Variants in CTNND2 observed in about 807,000 individuals in gnomAD.
The protein encoded by CTNND2 is catenin delta 2, also known as catenin delta-2.
Under a neutral mutation model 144.4 loss-of-function variants are expected in CTNND2, and 22 were observed. The observed-to-expected ratio is 0.15, with a 90% CI of 0.11 to 0.22. The LOEUF is 0.22. Ranked by LOEUF, CTNND2 falls within the 10% of genes least tolerant of loss-of-function variation. The probability of loss-of-function intolerance (pLI) is 1.00; values close to 1 mark genes in which losing one functional copy is unlikely to be tolerated. For missense variants in CTNND2, 1,353 were observed against 1,618.8 expected (o/e 0.84, Z 2.82); for synonymous variants, 751 against 695.6 (o/e 1.08, Z -1.25).
At chr5:11,862,444 C>T (rs1020626938) in intron 1 of CTNND2, among the ~76,000 whole-genome samples, 4 of 152,108 alleles carry the variant, frequency 2.6e-5, no homozygotes, top group African/African-American at 9.7e-5. Context: ...TTTGAAGGCA[C>T]CATGGTTTTG....
chr5:11,484,560 A>G (rs1002197136), intron 3 of CTNND2, among the ~76,000 whole-genome samples: 7 of 152,198 alleles, frequency 4.6e-5, no homozygotes, highest in African/African-American at 1.7e-4. Context: ...CAGCATCTAT[A>G]TCCTGTGGGA....
Position 11,060,999 on chromosome 5 carries a change from A to G in CTNND2, c.2788+21697T>C, listed in dbSNP as rs544082977. 3.9e-5 allele frequency among the ~76,000 whole-genome samples: 6 copies of G among 152,270 alleles called. No homozygotes were observed. In the East Asian group the frequency reaches 9.6e-4, roughly 24 times the overall value. ...TTTCACACTGATGACACACAGATTA[A>G]TATCTCAGTCCTGAGCTCTAAATGA... On this transcript the variant is annotated intron_variant, in intron 16 of 21. Coordinates refer to ENST00000304623, the MANE Select transcript of CTNND2 (RefSeq NM_001332.4).
chr5:11,377,732 C>G (rs887394141), intron 7 of CTNND2, among the ~76,000 whole-genome samples: 8 of 152,164 alleles, frequency 5.3e-5, no homozygotes, highest in Admixed American at 3.9e-4. Context: ...TTTTGGGCCA[C>G]CTCGCAATCC....
chr5:11,031,499 C>G (rs1683675933), intron 16 of CTNND2, among the ~76,000 whole-genome samples: 1 of 152,064 alleles, frequency 6.6e-6, no homozygotes, highest in Non-Finnish European at 1.5e-5. Context: ...TCAATAGACT[C>G]CAGAGTTTCA....
intron 3 of CTNND2, among the ~76,000 whole-genome samples, chr5:11,498,798 AG>A (rs1204950964): frequency 6.6e-6 from 1 of 152,216 alleles, no homozygotes; most frequent in Non-Finnish European, 1.5e-5. Flanking sequence ...ATCTTTTAAC[AG>A]TGAGGTTTTC....
chr5:11,699,686 T>G (rs1785332387), intron 2 of CTNND2, among the ~76,000 whole-genome samples: 1 of 152,214 alleles, frequency 6.6e-6, no homozygotes, highest in African/African-American at 2.4e-5. Context: ...CTCTCCTTCC[T>G]TCTTCTTATT....
intron 10 of CTNND2, among the ~76,000 whole-genome samples, chr5:11,233,765 T>C (rs1741313671): frequency 1.3e-5 from 2 of 151,892 alleles, no homozygotes; most frequent in South Asian, 4.2e-4. Flanking sequence ...TATGCACATA[T>C]GCACGCCTCC....
intron 16 of CTNND2, among the ~76,000 whole-genome samples, chr5:11,024,016 T>C (rs1435301881): frequency 6.6e-6 from 1 of 152,220 alleles, no homozygotes; most frequent in African/African-American, 2.4e-5. Flanking sequence ...CATCCCCCAA[T>C]TAGGCACATT....
chr5:11,276,576 G>T (rs908116582), intron 9 of CTNND2, among the ~76,000 whole-genome samples: 1 of 152,150 alleles, frequency 6.6e-6, no homozygotes, highest in Non-Finnish European at 1.5e-5. Context: ...CTAGACTAGG[G>T]TATAGTGCAT....
intron 11 of CTNND2, among the ~76,000 whole-genome samples, chr5:11,165,284 T>C (rs909138232): frequency 6.6e-6 from 1 of 152,232 alleles, no homozygotes; most frequent in African/African-American, 2.4e-5. Context: ...AAGGCTTATC[T>C]CTGGTGCTTC....
At chr5:10,996,073 G>A (rs1178638428) in intron 18 of CTNND2, among the ~76,000 whole-genome samples, 1 of 152,076 alleles carries the variant, frequency 6.6e-6, no homozygotes, top group Non-Finnish European at 1.5e-5. Context: ...CCGGGGTGCC[G>A]GACAGGGCTG....
intron 6 of CTNND2, among the ~76,000 whole-genome samples, chr5:11,387,714 T>A (rs1759230744): frequency 6.6e-6 from 1 of 152,174 alleles, no homozygotes; most frequent in Non-Finnish European, 1.5e-5. Flanking sequence ...ACAAAAACTT[T>A]TTGTTATGTC....
At chr5:11,222,433 C>T (rs1739893075) in intron 10 of CTNND2, among the ~76,000 whole-genome samples, 1 of 152,168 alleles carries the variant, frequency 6.6e-6, no homozygotes, top group African/African-American at 2.4e-5. Context: ...TGCAGGGTAG[C>T]TACATTTCAT....
At chr5:11,434,135 C>A (rs1025942987) in intron 3 of CTNND2, among the ~76,000 whole-genome samples, 1 of 152,178 alleles carries the variant, frequency 6.6e-6, no homozygotes, top group African/African-American at 2.4e-5. Flanking sequence ...GAAAGCTACT[C>A]AGCAATGTAC....
chr5:11,035,177 T>C (rs1743935269), intron 16 of CTNND2, among the ~76,000 whole-genome samples: 1 of 152,086 alleles, frequency 6.6e-6, no homozygotes, highest in South Asian at 2.1e-4. Flanking sequence ...GCTTTAAAAC[T>C]AGATACATTT....
chr5:11,337,832 C>G (rs1004320419), intron 9 of CTNND2, among the ~76,000 whole-genome samples: 2 of 152,076 alleles, frequency 1.3e-5, no homozygotes, highest in Admixed American at 6.6e-5. Flanking sequence ...TGGACATTAT[C>G]ATCAGATTTA....
intron 2 of CTNND2, among the ~76,000 whole-genome samples, chr5:11,578,724 C>T (rs1375707860): frequency 5.9e-5 from 9 of 151,878 alleles, no homozygotes; most frequent in Non-Finnish European, 8.8e-5. Flanking sequence ...AACTGGCAAT[C>T]ACACAGGTAA....
chr5:11,491,310 A>T (rs1004723281), intron 3 of CTNND2, among the ~76,000 whole-genome samples: 2 of 152,140 alleles, frequency 1.3e-5, no homozygotes, highest in African/African-American at 4.8e-5. Flanking sequence ...TGGCCCATTT[A>T]TTTTAAGAAG....
chr5:11,726,479 A>G (rs959884500), intron 2 of CTNND2, among the ~76,000 whole-genome samples: 37 of 152,092 alleles, frequency 2.4e-4, no homozygotes, highest in Admixed American at 2.4e-3. Flanking sequence ...TTTTCAAAAT[A>G]AAAAAAACCC....
Sources: gnomAD v4.1 joint callset for allele counts (sites outside exome capture counted in the v4.1 genomes callset) on GRCh38, gnomAD v4.1.1 for gene constraint, MANE v1.5 for transcripts, NCBI Gene and HGNC (gene_info 2026-07-23, HGNC 2026-07-21) for gene names.